The following SEMA3D variants were observed in gnomAD, a reference collection of about 807,000 sequenced individuals.
SEMA3D encodes the protein semaphorin 3D.
In SEMA3D, 84 loss-of-function variants were observed where a neutral mutation model predicts 100.1. The ratio of observed to expected loss-of-function variants is 0.84; its 90% CI spans 0.70 to 1.01. The LOEUF is 1.01. Ranked by LOEUF, SEMA3D falls within the 50% of genes least tolerant of loss-of-function variation. SEMA3D has a pLI of 0.00. For synonymous variants in SEMA3D, 312 were observed against 320.7 expected (o/e 0.97, Z 0.29); for missense variants, 875 against 934.1 (o/e 0.94, Z 0.82).
chr7:85,093,109 G>A (rs1467867306), intron 4 of SEMA3D, among the ~76,000 whole-genome samples: 1 of 151,760 alleles, frequency 6.6e-6, no homozygotes, highest in Non-Finnish European at 1.5e-5. Context: ...TGTTTCCCTT[G>A]GGTTACCTTT....
At chr7:85,115,777 C>T (rs1789222250) in intron 3 of SEMA3D, among the ~76,000 whole-genome samples, 1 of 152,080 alleles carries the variant, frequency 6.6e-6, no homozygotes, top group Non-Finnish European at 1.5e-5. Flanking sequence ...AGTCAATCCT[C>T]TCTGCCCCCC....
the SEMA3D span, among the ~76,000 whole-genome samples, chr7:85,195,269 T>C: frequency 8.9e-3 from 1,354 of 152,248 alleles, 61 homozygotes; most frequent in Admixed American, 0.074. Context: ...AGGACATTAG[T>C]ACCTTGCTTC....
At chr7:85,045,681 G>A (rs10486847) in intron 9 of SEMA3D, among the ~76,000 whole-genome samples, 30,078 of 151,578 alleles carry the variant, frequency 0.2, 3,620 homozygotes, top group Non-Finnish European at 0.28. Flanking sequence ...AAATATTGAC[G>A]CTTTCTCCTA....
chr7:85,050,685 A>G, intron 9 of SEMA3D: 1 of 474,124 alleles, frequency 2.1e-6, no homozygotes, highest in Non-Finnish European at 3.8e-6. Context: ...AACTTTCTCC[A>G]AATACAGCTC....
rs552128778 is a variant in SEMA3D at position 85,104,850 on chromosome 7, C to T, written c.152-6885G>A. ...CCTTTAAAGAACATTTTATGAAAGACAGAAATTCATGGGGCTAAAAAGAAA... is the reference window on the plus strand; with the variant it reads ...CCTTTAAAGAACATTTTATGAAAGATAGAAATTCATGGGGCTAAAAAGAAA... On this transcript the variant is annotated intron_variant, in intron 3 of 18. Transcript: ENST00000284136. 1.3e-4 allele frequency among the ~76,000 whole-genome samples: 19 copies of T among 151,624 alleles called. No individual in the cohort carries two copies. In the South Asian group the frequency reaches 1.7e-3, roughly 13 times the overall value.
rs183314758 is a variant in SEMA3D at position 84,999,975 on chromosome 7, G to A, written c.1909-110C>T. 5.0e-5 allele frequency: 41 copies of A among 818,698 alleles called. No homozygotes were observed. In the East Asian group the frequency reaches 1.1e-3, roughly 22 times the overall value. 50.7% of individuals were successfully genotyped at this position (818,698 alleles called of 1,614,324 possible). A position where few individuals can be genotyped will look rare whatever the true frequency, so the allele number is the denominator to read the frequency against. ...GATGAATATGAAAGACATATTCATTGTCTCTCTGTCTCTGTCATCAAGCAT... is the reference window on the plus strand; with the variant it reads ...GATGAATATGAAAGACATATTCATTATCTCTCTGTCTCTGTCATCAAGCAT... On this transcript the variant is annotated intron_variant, in intron 18 of 18. Transcript: ENST00000284136.
intron 1 of SEMA3D, among the ~76,000 whole-genome samples, chr7:85,174,977 T>A (rs906406662): frequency 2.0e-5 from 3 of 152,054 alleles, no homozygotes; most frequent in African/African-American, 7.2e-5. Flanking sequence ...AGCACACATA[T>A]ACTTCAACAC....
In SEMA3D at chr7:84,999,151, C is replaced by T. The variant is rs1789580086; in HGVS notation, c.*289G>A. ...GGGGCTTGCTTAGCTCAACTATTTA[C>T]ATGACAATAAATTCCAAAACTCAAA... On this transcript the variant is annotated 3_prime_UTR_variant, in exon 19 of 19. Transcript: ENST00000284136. The T allele has an allele frequency of 7.5e-6, 3 of 401,956 alleles. No individual in the cohort carries two copies. Among genetic ancestry groups the T allele is most frequent in the Non-Finnish European group, 9.0e-6 (2 of 222,314 alleles). 24.9% of individuals were successfully genotyped at this position (401,956 alleles called of 1,614,324 possible).
chr7:85,076,039 G>A (rs1330284742), intron 5 of SEMA3D, among the ~76,000 whole-genome samples: 1 of 152,194 alleles, frequency 6.6e-6, no homozygotes, highest in Non-Finnish European at 1.5e-5. Context: ...TGTGAGGCAC[G>A]AAGAAAGATA....
intron 6 of SEMA3D, among the ~76,000 whole-genome samples, chr7:85,071,173 T>C (rs1425679656): frequency 6.6e-6 from 1 of 152,224 alleles, no homozygotes; most frequent in East Asian, 1.9e-4. Context: ...TGTGGGGCTA[T>C]ATCAGATAAT....
chr7:85,061,222 C>G (rs954398108), intron 8 of SEMA3D, among the ~76,000 whole-genome samples: 2 of 152,166 alleles, frequency 1.3e-5, no homozygotes, highest in South Asian at 2.1e-4. Flanking sequence ...GTATCCTCCT[C>G]GTAAGGTATT....
chr7:85,229,552 G>A, the SEMA3D span, among the ~76,000 whole-genome samples: 1 of 151,860 alleles, frequency 6.6e-6, no homozygotes, highest in African/African-American at 2.4e-5. Flanking sequence ...TACATATACT[G>A]TTTGTTAACA....
At chr7:85,237,110 TA>T in the SEMA3D span, among the ~76,000 whole-genome samples, 2 of 152,238 alleles carry the variant, frequency 1.3e-5, no homozygotes, top group Non-Finnish European at 2.9e-5. Context: ...AGGGATTGAA[TA>T]ATTCTTTTTT....
chr7:85,240,702 T>C, the SEMA3D span, among the ~76,000 whole-genome samples: 505 of 152,284 alleles, frequency 3.3e-3, 3 homozygotes, highest in African/African-American at 0.011. Flanking sequence ...TATATCTTCT[T>C]ATGTGAACTT....
At chr7:85,123,048 T>C (rs1789472284) in intron 2 of SEMA3D, among the ~76,000 whole-genome samples, 1 of 152,150 alleles carries the variant, frequency 6.6e-6, no homozygotes, top group Non-Finnish European at 1.5e-5. Context: ...TAAGGGTGGG[T>C]AATTATTTAT....
At chr7:85,020,385 C>T in intron 13 of SEMA3D, 64 bp from the exon 14 acceptor site, 5 of 1,113,124 alleles carry the variant, frequency 4.5e-6, no homozygotes, top group Admixed American at 1.8e-5. Context: ...TAAGCATATC[C>T]CTAGAAACCT....
chr7:85,075,759 A>G (rs1791905556), intron 5 of SEMA3D, among the ~76,000 whole-genome samples: 2 of 152,230 alleles, frequency 1.3e-5, no homozygotes, highest in South Asian at 4.1e-4. Context: ...CCTGGGCAAA[A>G]GAAATCTGTG....
chr7:85,130,518 C>A lies in SEMA3D; in HGVS notation c.-40-8587G>T, dbSNP rs145058260. On this transcript the variant is annotated intron_variant, in intron 2 of 18. Coordinates refer to ENST00000284136, the MANE Select transcript of SEMA3D (RefSeq NM_001384900.1). ...ATGCTCATTGTTGGGGCCTTCTGGCCCAGAAACGAGCTGGATGTCTGGAAA... is the reference window on the plus strand; with the variant it reads ...ATGCTCATTGTTGGGGCCTTCTGGCACAGAAACGAGCTGGATGTCTGGAAA... Among the ~76,000 whole-genome samples the A allele has an allele frequency of 1.3e-5, 2 of 152,140 alleles. 1 individual carries two copies. The highest frequency in any genetic ancestry group is 3.9e-4 in the East Asian group (2 of 5,164).
chr7:85,239,869 T>C, the SEMA3D span, among the ~76,000 whole-genome samples: 12 of 152,326 alleles, frequency 7.9e-5, no homozygotes, highest in East Asian at 2.3e-3. Flanking sequence ...GTATATTAAC[T>C]TCGTATTCTG....
Sources: gnomAD v4.1 joint callset for allele counts (sites outside exome capture counted in the v4.1 genomes callset) on GRCh38, gnomAD v4.1.1 for gene constraint, MANE v1.5 for transcripts, NCBI Gene and HGNC (gene_info 2026-07-23, HGNC 2026-07-21) for gene names.